Variants in RIF1 observed in about 807,000 individuals in gnomAD.
RIF1 encodes telomere-associated protein RIF1.
A neutral mutation model predicts 247.1 loss-of-function variants in RIF1; 45 were observed. The ratio of observed to expected loss-of-function variants is 0.18; its 90% CI spans 0.14 to 0.23. The LOEUF (loss-of-function observed/expected upper bound fraction) is 0.23, where lower values mean the gene tolerates loss of function less well. RIF1 is among the 10% of genes least tolerant of loss of function. The pLI is 1.00. For synonymous variants in RIF1, 1,087 were observed against 978.8 expected, an observed-to-expected ratio of 1.11 and a Z score of -2.06; for missense variants, 2,967 against 2,862.5, an observed-to-expected ratio of 1.04 and a Z score of -0.83.
Position 151,416,621 on chromosome 2 carries a change from A to G in RIF1, c.341A>G (p.Asn114Ser), listed in dbSNP as rs376227952. ...GATACCATTAAGAATTCAGACAAAA[A>G]TGTACGTACTAGAGCACTTTGGGTG... ...LNDTIKNSDK[N>S]VRTRALWVIS... The change falls in exon 5 of 36, where the codon AAT (asparagine) becomes AGT (serine). Residue 114 changes from asparagine to serine, a missense_variant. Asn to Ser is a conservative substitution (Grantham distance 46). This residue lies in a region of RIF1 where 269 missense variants were observed against 288.6 expected (regional missense o/e 0.93). Coordinates refer to ENST00000444746, the MANE Select transcript of RIF1 (RefSeq NM_018151.5). The G allele has an allele frequency of 8.1e-6, 13 of 1,609,266 alleles. No homozygotes were observed. The African/African-American group carries it at 1.7e-4, about 22-fold the overall frequency.
intron 7 of RIF1, 84 bp downstream of exon 7, chr2:151,420,463 G>A (rs1687965773): frequency 7.5e-7 from 1 of 1,337,348 alleles, no homozygotes; most frequent in Admixed American, 2.0e-5. Flanking sequence ...TGGTGGCCAG[G>A]TACGGTGGCT....
intron 30 of RIF1, among the ~76,000 whole-genome samples, chr2:151,466,731 A>G (rs1019702655): frequency 3.3e-5 from 5 of 152,240 alleles, no homozygotes; most frequent in African/African-American, 1.2e-4. Context: ...GAATAAAAAA[A>G]TAGGAAAAGT....
intron 31 of RIF1, 74 bp from the exon 32 acceptor site, chr2:151,468,400 C>CT (rs1347074250): frequency 8.2e-7 from 1 of 1,219,894 alleles, no homozygotes; most frequent in Non-Finnish European, 1.2e-6. Context: ...TGATTGCAGT[C>CT]TAAGTTGTAA....
In RIF1 at chr2:151,464,304, T is replaced by C. The variant is rs373773093; in HGVS notation, c.4784T>C (p.Ile1595Thr). Residue 1595 changes from isoleucine (I) to threonine (T), a missense_variant, in exon 30 of 36, where the codon ATA (isoleucine) becomes ACA (threonine). Ile to Thr is a moderately conservative substitution (Grantham distance 89). Around this residue, in one of 7 missense-constraint regions of RIF1, gnomAD observed 2,028 missense variants for 1,825.6 expected, o/e 1.11. Coordinates refer to ENST00000444746, the MANE Select transcript of RIF1 (RefSeq NM_018151.5). ...QEEKVVKQECIKAENQSHDYK... is the reference protein window; with the variant it reads ...QEEKVVKQECTKAENQSHDYK... ...GAGAAAGTGGTGAAACAGGAATGTA[T>C]AAAAGCTGAAAATCAGTCACATGAT... 2.5e-6 allele frequency: 4 copies of C among 1,612,364 alleles called. No individual in the cohort carries two copies. In the African/African-American group the frequency reaches 5.4e-5, roughly 22 times the overall value.
In RIF1 at chr2:151,463,169, C is replaced by A. The variant is rs765168426; in HGVS notation, c.3649C>A (p.Arg1217=). 1.9e-6 allele frequency: 3 copies of A among 1,614,008 alleles called. No individual in the cohort carries two copies. Among genetic ancestry groups the A allele is most frequent in the East Asian group, 2.2e-5 (1 of 44,882 alleles). ...VAGTPPYPTS[R]RQTFITLEKF... ...TGGAACTCCCCCATACCCTACAAGT[C>A]GGAGGCAAACCTTTATTACTTTGGA... Residue 1217 remains arginine, a synonymous_variant, in exon 30 of 36, where the codon CGG becomes AGG. Transcript: ENST00000444746.
rs1031561317 is a variant in RIF1, at chr2:151,480,397, G to A, written c.*5326G>A. On this transcript the variant is annotated 3_prime_UTR_variant, in exon 36 of 36. Coordinates refer to ENST00000444746, the MANE Select transcript of RIF1 (RefSeq NM_018151.5). Reference sequence around the variant, plus strand: ...TGATGAGTTGAAGAGAATGGAAAAGGCAGATTGAGCTGGAATTTTAATGCA... The same window carrying A: ...TGATGAGTTGAAGAGAATGGAAAAGACAGATTGAGCTGGAATTTTAATGCA... 6.6e-6 allele frequency: 1 copy of A among 152,146 alleles called. No homozygotes were observed. The highest frequency in any genetic ancestry group is 1.5e-5 in the Non-Finnish European group (1 of 68,006). The allele number at this position is 152,146 out of a possible 1,614,324, so 9.4% of individuals were successfully genotyped here.
the RIF1 span, chr2:151,531,091 T>A: frequency 6.2e-7 from 1 of 1,605,198 alleles, no homozygotes; most frequent in Admixed American, 1.7e-5. Flanking sequence ...GTATTCCAAT[T>A]TATAAAGGAT....
the RIF1 span, among the ~76,000 whole-genome samples, chr2:151,516,854 G>C: frequency 1.3e-5 from 2 of 152,178 alleles, no homozygotes; most frequent in Non-Finnish European, 2.9e-5. Flanking sequence ...GCAAGAAAAC[G>C]CATGGGGAAA....
At chr2:151,491,101 G>C (rs1413327111) in intron 9 of RIF1, 1 of 153,248 alleles carries the variant, frequency 6.5e-6, no homozygotes, top group African/African-American at 2.4e-5. Context: ...TACAATCACG[G>C]CTCACTGCAG....
intron 12 of RIF1, 107 bp from the exon 13 acceptor site, chr2:151,437,134 T>G: frequency 8.1e-7 from 1 of 1,230,872 alleles, no homozygotes; most frequent in Non-Finnish European, 1.1e-6. Flanking sequence ...GAATCTTTTT[T>G]TTATAGAAAA....
At chr2:151,441,236 C>T (rs1290646004) in intron 15 of RIF1, among the ~76,000 whole-genome samples, 4 of 152,024 alleles carry the variant, frequency 2.6e-5, no homozygotes, top group Non-Finnish European at 5.9e-5. Flanking sequence ...AAAAAAAAGA[C>T]AGTATGGTAG....
Position 151,468,127 on chromosome 2 carries a change from C to A in RIF1, c.6728C>A (p.Ser2243Tyr), listed in dbSNP as rs540698395. The A allele has an allele frequency of 6.2e-7, 1 of 1,612,416 alleles. No homozygotes were observed. The highest frequency in any genetic ancestry group is 1.3e-5 in the African/African-American group (1 of 74,836). ...CCCATAGGAAAAAGTGTTAAAACTT[C>A]TCCTACTACACAATCTAAGGTAAGC... is the stretch of plus-strand genomic sequence containing the variant. ...SSPIGKSVKTSPTTQSKHNTT... is the reference protein window; with the variant it reads ...SSPIGKSVKTYPTTQSKHNTT... Residue 2243 changes from serine (S) to tyrosine (Y), a missense_variant, in exon 31 of 36, where the codon TCT (serine) becomes TAT (tyrosine). Coordinates refer to ENST00000444746, the MANE Select transcript of RIF1 (RefSeq NM_018151.5).
chr2:151,429,064 A>C (rs1689593866), intron 9 of RIF1, 142 bp downstream of exon 9: 1 of 596,042 alleles, frequency 1.7e-6, no homozygotes, highest in Non-Finnish European at 2.9e-6. Context: ...AACAGGAATA[A>C]ATTTGTACTG....
intron 20 of RIF1, among the ~76,000 whole-genome samples, chr2:151,450,359 A>G (rs1694085109): frequency 6.6e-6 from 1 of 152,160 alleles, no homozygotes; most frequent in Admixed American, 6.5e-5. Flanking sequence ...TTTATAAGAC[A>G]CTTGGGATCA....
rs748721712 is a variant in RIF1, at chr2:151,469,677, T to C, written c.6942-34T>C. ...TGCAAATAGCATATAAATAAAACTA[T>C]ATAATTATAATTTCCTGTTTCTGTT... On this transcript the variant is annotated intron_variant, in intron 33 of 35. Transcript: ENST00000444746. 4 of 1,432,122 alleles carry C rather than the reference T, an allele frequency of 2.8e-6. No homozygotes were observed. The African/African-American group carries it at 4.4e-5, about 16-fold the overall frequency. 88.7% of individuals were successfully genotyped at this position (1,432,122 alleles called of 1,614,324 possible). A position where few individuals can be genotyped will look rare whatever the true frequency, so the allele number is the denominator to read the frequency against.
intron 26 of RIF1, among the ~76,000 whole-genome samples, chr2:151,460,493 GAAAT>G (rs1488362990): frequency 6.8e-6 from 1 of 146,230 alleles, no homozygotes; most frequent in East Asian, 2.1e-4. Flanking sequence ...ATTTTGAATA[GAAAT>G]AAATAATGCC....
In RIF1 at chr2:151,462,431, A is replaced by G. The variant is rs1241014489; in HGVS notation, c.3328A>G (p.Arg1110Gly). The change falls in exon 29 of 36, where the codon AGA becomes GGA. Residue 1110 changes from arginine (R) to glycine (G), a missense_variant. Transcript: ENST00000444746. ...TTTCAGGGAAATTCCTACTTTAACC[A>G]GAAAACCAAAGGAGGATTCTAAGAT... Reference protein sequence around the residue: ...EEPMEIPTLTRKPKEDSKMMI... With the variant: ...EEPMEIPTLTGKPKEDSKMMI... The G allele has an allele frequency of 5.1e-6, 8 of 1,560,458 alleles. No individual in the cohort carries two copies. The highest frequency in any genetic ancestry group is 6.9e-6 in the Non-Finnish European group (8 of 1,151,652).
intron 30 of RIF1, among the ~76,000 whole-genome samples, chr2:151,466,801 G>A (rs1696976162): frequency 6.6e-6 from 1 of 152,182 alleles, no homozygotes; most frequent in East Asian, 1.9e-4. Flanking sequence ...TCCTGAAAAG[G>A]TATGATGTTG....
intron 9 of RIF1, among the ~76,000 whole-genome samples, chr2:151,429,337 C>T (rs984413811): frequency 3.3e-5 from 5 of 152,140 alleles, no homozygotes. Context: ...CCCACCACTA[C>T]ACCCGGCTAA....
Sources: gnomAD v4.1 joint callset for allele counts (sites outside exome capture counted in the v4.1 genomes callset) on GRCh38, gnomAD v4.1.1 for gene constraint, gnomAD v4.1.1 regional missense constraint, MANE v1.5 for transcripts, NCBI Gene and HGNC (gene_info 2026-07-23, HGNC 2026-07-21) for gene names.